The following MYO1D variants were observed in gnomAD, a reference collection of about 807,000 sequenced individuals.
MYO1D encodes unconventional myosin-Id.
In MYO1D, 83 loss-of-function variants were observed where a neutral mutation model predicts 122.0. The observed-to-expected ratio is 0.68, with a 90% confidence interval of 0.57 to 0.82. MYO1D has a LOEUF of 0.82. MYO1D is among the 40% of genes least tolerant of loss of function. The pLI is 0.00. For missense variants in MYO1D, 1,157 were observed against 1,269.5 expected (o/e 0.91, Z 1.35); for synonymous variants, 464 against 446.9 (o/e 1.04, Z -0.48).
chr17:32,852,282 C>T (rs574881956), intron 1 of MYO1D, among the ~76,000 whole-genome samples: 15 of 152,252 alleles, frequency 9.9e-5, no homozygotes, highest in African/African-American at 3.4e-4. Context: ...CATGCTACCA[C>T]ACCTGGCTAG....
chr17:32,634,223 G>C (rs369968442), intron 20 of MYO1D, among the ~76,000 whole-genome samples: 107 of 152,216 alleles, frequency 7.0e-4, no homozygotes, highest in African/African-American at 2.5e-3. Context: ...CTGTCTACTC[G>C]AGGTCCCTTA....
intron 21 of MYO1D, among the ~76,000 whole-genome samples, chr17:32,585,301 T>A (rs2087376688): frequency 6.6e-6 from 1 of 152,246 alleles, no homozygotes; most frequent in Non-Finnish European, 1.5e-5. Context: ...GGTATCTTTC[T>A]TCCTAAGACC....
intron 1 of MYO1D, among the ~76,000 whole-genome samples, chr17:32,859,573 A>C (rs144363935): frequency 2.0e-5 from 3 of 152,374 alleles, no homozygotes; most frequent in African/African-American, 7.2e-5. Context: ...AGGAGCAGAA[A>C]GATAAATCTA....
intron 21 of MYO1D, among the ~76,000 whole-genome samples, chr17:32,570,597 C>T (rs2087216340): frequency 6.6e-6 from 1 of 152,200 alleles, no homozygotes; most frequent in African/African-American, 2.4e-5. Flanking sequence ...TGTGATCTGC[C>T]TGCCTGGGCC....
intron 16 of MYO1D, among the ~76,000 whole-genome samples, chr17:32,676,797 G>A (rs1445451206): frequency 6.6e-6 from 1 of 151,686 alleles, no homozygotes; most frequent in East Asian, 1.9e-4. Flanking sequence ...ATACAATGAT[G>A]TTTTATGAAA....
At chr17:32,872,216 A>G (rs1238950549) in intron 1 of MYO1D, among the ~76,000 whole-genome samples, 2 of 152,252 alleles carry the variant, frequency 1.3e-5, no homozygotes, top group Non-Finnish European at 2.9e-5. Context: ...AGCAAGGAAT[A>G]TAAATTGAAG....
chr17:32,515,078 G>C (rs116546584), intron 21 of MYO1D, among the ~76,000 whole-genome samples: 1,873 of 152,298 alleles, frequency 0.012, 31 homozygotes, highest in African/African-American at 0.041. Flanking sequence ...CATCGAGTAA[G>C]TGCCCCATTA....
intron 1 of MYO1D, among the ~76,000 whole-genome samples, chr17:32,840,576 A>G (rs2090870958): frequency 6.6e-6 from 1 of 152,204 alleles, no homozygotes; most frequent in African/African-American, 2.4e-5. Flanking sequence ...TTTGGCTATA[A>G]TTCATTCTTA....
At chr17:32,742,973 G>C (rs1232168545) in intron 13 of MYO1D, among the ~76,000 whole-genome samples, 1 of 152,178 alleles carries the variant, frequency 6.6e-6, no homozygotes, top group African/African-American at 2.4e-5. Flanking sequence ...CAAATCCAAT[G>C]GTCAATCTTG....
rs747117097 is a variant in MYO1D at position 32,654,467 on chromosome 17, T to C, written c.2490+10A>G. On this transcript the variant is annotated intron_variant, in intron 18 of 21. Coordinates refer to ENST00000318217, the MANE Select transcript of MYO1D (RefSeq NM_015194.3). ...TAGAAGTAGATTTCACTTTGTTCCCTTGGACTTACTGAAGCAAGATAGTTG... is the reference window on the plus strand; with the variant it reads ...TAGAAGTAGATTTCACTTTGTTCCCCTGGACTTACTGAAGCAAGATAGTTG... 1.2e-6 allele frequency: 2 copies of C among 1,606,744 alleles called. No individual in the cohort carries two copies. Among genetic ancestry groups the C allele is most frequent in the East Asian group, 2.2e-5 (1 of 44,606 alleles).
At chr17:32,553,091 C>CA (rs2087034037) in intron 21 of MYO1D, among the ~76,000 whole-genome samples, 1 of 110,546 alleles carries the variant, frequency 9.0e-6, no homozygotes, top group Admixed American at 9.0e-5. Context: ...AAAAAAAAAA[C>CA]AAAAAACAAA....
chr17:32,689,418 T>G (rs1598010850), intron 16 of MYO1D, among the ~76,000 whole-genome samples: 1 of 152,336 alleles, frequency 6.6e-6, no homozygotes, highest in East Asian at 1.9e-4. Context: ...ATTATAGTAC[T>G]AAGTTTGAAT....
intron 21 of MYO1D, among the ~76,000 whole-genome samples, chr17:32,570,806 A>C (rs2087218904): frequency 6.6e-6 from 1 of 152,244 alleles, no homozygotes; most frequent in Non-Finnish European, 1.5e-5. Context: ...TACAATGCCA[A>C]GTTCTGGGTT....
chr17:32,692,069 C>A (rs181863245), intron 16 of MYO1D, among the ~76,000 whole-genome samples: 1 of 152,304 alleles, frequency 6.6e-6, no homozygotes, highest in East Asian at 1.9e-4. Context: ...TATTCATAAT[C>A]TGCAGTTGCT....
At chr17:32,545,604 G>C (rs1189655821) in intron 21 of MYO1D, among the ~76,000 whole-genome samples, 3 of 152,128 alleles carry the variant, frequency 2.0e-5, no homozygotes, top group Admixed American at 6.5e-5. Flanking sequence ...TCAGCCTAAG[G>C]CTACATTGTT....
chr17:32,755,058 GA>G (rs1264737761), intron 11 of MYO1D, among the ~76,000 whole-genome samples: 2 of 152,218 alleles, frequency 1.3e-5, no homozygotes, highest in Non-Finnish European at 2.9e-5. Flanking sequence ...ATGATCTGAA[GA>G]AGTACAGCAG....
chr17:32,591,473 G>A (rs187634143), intron 21 of MYO1D, among the ~76,000 whole-genome samples: 1 of 152,130 alleles, frequency 6.6e-6, no homozygotes, highest in East Asian at 1.9e-4. Context: ...AAGTGGATGT[G>A]GTAAACAGGA....
At chr17:32,515,755 T>G (rs1909870214) in intron 21 of MYO1D, among the ~76,000 whole-genome samples, 1 of 152,308 alleles carries the variant, frequency 6.6e-6, no homozygotes, top group South Asian at 2.1e-4. Flanking sequence ...TGGTGGGGGA[T>G]TTTTGTTCTG....
chr17:32,650,292 T>C (rs1427297850), intron 19 of MYO1D, among the ~76,000 whole-genome samples: 1 of 152,254 alleles, frequency 6.6e-6, no homozygotes, highest in African/African-American at 2.4e-5. Flanking sequence ...AGAAATTGGA[T>C]GCATACTTTC....
Sources: allele counts gnomAD v4.1 joint callset (sites outside exome capture counted in the v4.1 genomes callset), GRCh38; gene constraint gnomAD v4.1.1; transcripts MANE v1.5; gene names NCBI Gene and HGNC (gene_info 2026-07-23, HGNC 2026-07-21).